The following WDR27 variants were observed in gnomAD, a reference collection of about 807,000 sequenced individuals.
The protein encoded by WDR27 is WD repeat-containing protein 27.
Under a neutral mutation model 114.4 loss-of-function variants are expected in WDR27, and 100 were observed. The observed-to-expected ratio is 0.87, with a 90% CI of 0.74 to 1.03. WDR27 has a LOEUF of 1.03. WDR27 is among the 50% of genes least tolerant of loss of function. WDR27 has a pLI of 0.00. For missense variants in WDR27, 1,129 were observed against 1,092.9 expected (o/e 1.03, Z -0.47); for synonymous variants, 449 against 423.1 (o/e 1.06, Z -0.75).
At chr6:169,697,106 T>TA (rs1329337602) in intron 1 of WDR27, among the ~76,000 whole-genome samples, 15 of 152,352 alleles carry the variant, frequency 9.8e-5, no homozygotes, top group East Asian at 5.8e-4. Flanking sequence ...ATATAGATCT[T>TA]AGATATGATT....
intron 9 of WDR27, among the ~76,000 whole-genome samples, chr6:169,661,775 C>T (rs1253856451): frequency 2.0e-5 from 3 of 152,194 alleles, no homozygotes; most frequent in East Asian, 1.9e-4. Context: ...AGACAAGCAA[C>T]GGCCAAGGCC....
chr6:169,464,696 A>C (rs1040714307), intron 25 of WDR27, among the ~76,000 whole-genome samples: 10 of 152,272 alleles, frequency 6.6e-5, no homozygotes, highest in African/African-American at 2.4e-4. Context: ...CTGACAAAGA[A>C]TTAATATCCA....
chr6:169,674,874 T>C (rs1230808061), intron 2 of WDR27, among the ~76,000 whole-genome samples: 2 of 151,964 alleles, frequency 1.3e-5, no homozygotes, highest in Admixed American at 1.3e-4. Context: ...TTATAGGATT[T>C]GGGTAGGTAA....
At chr6:169,502,511 G>A (rs1252378114) in intron 25 of WDR27, among the ~76,000 whole-genome samples, 2 of 152,190 alleles carry the variant, frequency 1.3e-5, no homozygotes, top group African/African-American at 4.8e-5. Context: ...GGCCGCACTG[G>A]GCTAAGATCA....
intron 25 of WDR27, among the ~76,000 whole-genome samples, chr6:169,530,499 T>C (rs950979336): frequency 3.9e-5 from 6 of 152,236 alleles, no homozygotes; most frequent in Non-Finnish European, 7.3e-5. Context: ...TCCCCACCTC[T>C]GCTCCTCAGT....
At chr6:169,476,493 C>T (rs910371771) in intron 25 of WDR27, among the ~76,000 whole-genome samples, 1 of 152,200 alleles carries the variant, frequency 6.6e-6, no homozygotes, top group Non-Finnish European at 1.5e-5. Context: ...TCTGGGCTTC[C>T]AGAGCTCAGG....
chr6:169,554,487 C>T (rs750661040), intron 25 of WDR27, among the ~76,000 whole-genome samples: 94 of 152,114 alleles, frequency 6.2e-4, no homozygotes, highest in Non-Finnish European at 3.2e-4. Context: ...TCATTGCTGG[C>T]GAAATACAAT....
chr6:169,548,392 A>G (rs1000063877), intron 25 of WDR27, among the ~76,000 whole-genome samples: 2 of 152,204 alleles, frequency 1.3e-5, no homozygotes, highest in African/African-American at 4.8e-5. Flanking sequence ...GTATTTTTTA[A>G]ACAGCTAGAA....
At chr6:169,426,973 T>TGGGGGGGGGGGGG in the WDR27 span, 1 of 35,060 alleles carries the variant, frequency 2.9e-5, no homozygotes, top group Non-Finnish European at 8.0e-5. Context: ...GTGGGGGCAG[T>TGGGGGGGGGGGGG]GGGGGGGGGG....
chr6:169,552,879 G>C (rs961399226), intron 25 of WDR27, among the ~76,000 whole-genome samples: 8 of 152,172 alleles, frequency 5.3e-5, no homozygotes, highest in African/African-American at 1.9e-4. Flanking sequence ...CTCATTGCAT[G>C]AACTTGAGAG....
intron 25 of WDR27, among the ~76,000 whole-genome samples, chr6:169,467,872 T>C (rs1160402816): frequency 1.3e-5 from 2 of 152,262 alleles, no homozygotes; most frequent in Non-Finnish European, 2.9e-5. Flanking sequence ...GCAAATTTTC[T>C]GAACTTTTAT....
At chr6:169,586,980 G>C (rs554939356) in intron 23 of WDR27, among the ~76,000 whole-genome samples, 1 of 151,628 alleles carries the variant, frequency 6.6e-6, no homozygotes, top group Non-Finnish European at 1.5e-5. Context: ...TTGGCAGGTG[G>C]TGTTTTTTTC....
At chr6:169,474,569 T>A (rs1252175084) in intron 25 of WDR27, among the ~76,000 whole-genome samples, 3 of 151,924 alleles carry the variant, frequency 2.0e-5, no homozygotes, top group Non-Finnish European at 2.9e-5. Flanking sequence ...AAAACTGATA[T>A]AAAGAAATCA....
At chr6:169,654,719 A>AAGGAGGCGCGCACAGG (rs879674284) in intron 13 of WDR27, among the ~76,000 whole-genome samples, 89 of 123,538 alleles carry the variant, frequency 7.2e-4, no homozygotes, top group African/African-American at 2.0e-3. Context: ...CGCACAGGAG[A>AAGGAGGCGCGCACAGG]AGGAGGCGCG....
intron 14 of WDR27, among the ~76,000 whole-genome samples, chr6:169,650,173 T>A: frequency 8.6e-6 from 1 of 116,266 alleles, no homozygotes; most frequent in East Asian, 3.0e-4. Flanking sequence ...TCCATCCCTC[T>A]ACTTATCCAT....
intron 25 of WDR27, among the ~76,000 whole-genome samples, chr6:169,469,451 T>C (rs1394001363): frequency 6.6e-6 from 1 of 152,226 alleles, no homozygotes; most frequent in East Asian, 1.9e-4. Flanking sequence ...CTCAGCTTCA[T>C]GCCCTGCCCT....
chr6:169,668,212 C>T (rs1036814734), intron 4 of WDR27, 27 bp from the exon 5 acceptor site: 9 of 1,611,218 alleles, frequency 5.6e-6, no homozygotes, highest in Non-Finnish European at 7.6e-6. Context: ...CAAATTATTC[C>T]TCTGTTCAAG....
At chr6:169,569,102 G>C (rs1238189550) in intron 25 of WDR27, among the ~76,000 whole-genome samples, 1 of 152,214 alleles carries the variant, frequency 6.6e-6, no homozygotes, top group East Asian at 1.9e-4. Flanking sequence ...AGAGGTTGGA[G>C]TGGCAAGCAA....
the WDR27 span, among the ~76,000 whole-genome samples, chr6:169,446,747 C>A: frequency 6.6e-6 from 1 of 152,176 alleles, no homozygotes; most frequent in Non-Finnish European, 1.5e-5. Flanking sequence ...AGTAAATTGG[C>A]TACAAGAATT....
Sources: allele counts gnomAD v4.1 joint callset (sites outside exome capture counted in the v4.1 genomes callset), GRCh38; gene constraint gnomAD v4.1.1; transcripts MANE v1.5; gene names NCBI Gene and HGNC (gene_info 2026-07-23, HGNC 2026-07-21).